The following ZFAT variants were observed in gnomAD, a reference collection of about 807,000 sequenced individuals.
ZFAT encodes zinc finger and AT-hook domain containing, also known as zinc finger protein ZFAT.
In ZFAT, 64 loss-of-function variants were observed where a neutral mutation model predicts 117.7. That is an observed-to-expected ratio of 0.54 (90% confidence interval 0.44 to 0.67). ZFAT has a LOEUF of 0.67. ZFAT is among the 30% of genes least tolerant of loss of function. ZFAT has a pLI of 0.00. For synonymous variants in ZFAT, 679 were observed against 615.0 expected (o/e 1.10, Z -1.54); for missense variants, 1,433 against 1,584.5 (o/e 0.90, Z 1.62).
At chr8:134,540,409 T>A (rs1822165770) in intron 11 of ZFAT, among the ~76,000 whole-genome samples, 1 of 152,238 alleles carries the variant, frequency 6.6e-6, no homozygotes. Flanking sequence ...TCTAATGTGG[T>A]CATCTGAGGC....
At chr8:134,484,191 C>T (rs1392395218) in intron 15 of ZFAT, among the ~76,000 whole-genome samples, 1 of 152,218 alleles carries the variant, frequency 6.6e-6, no homozygotes, top group African/African-American at 2.4e-5. Flanking sequence ...TATTACAATC[C>T]ACCTCTGCAC....
At chr8:134,663,226 G>A (rs1015843878) in intron 1 of ZFAT, among the ~76,000 whole-genome samples, 9 of 152,180 alleles carry the variant, frequency 5.9e-5, no homozygotes, top group African/African-American at 2.2e-4. Flanking sequence ...GACAAATCCT[G>A]ACACTTACAA....
At chr8:134,543,981 T>C (rs1250921482) in intron 11 of ZFAT, among the ~76,000 whole-genome samples, 1 of 152,174 alleles carries the variant, frequency 6.6e-6, no homozygotes, top group African/African-American at 2.4e-5. Flanking sequence ...CCTCAAGTTA[T>C]TAAAAATGTC....
chr8:134,589,510 C>T (rs1268875982), intron 8 of ZFAT, among the ~76,000 whole-genome samples: 2 of 152,362 alleles, frequency 1.3e-5, no homozygotes, highest in East Asian at 3.9e-4. Flanking sequence ...ATAAAACACA[C>T]AATACACTTG....
chr8:134,714,179 G>T (rs183770901), upstream of ZFAT, among the ~76,000 whole-genome samples: 65 of 139,536 alleles, frequency 4.7e-4, no homozygotes, highest in Non-Finnish European at 8.5e-4. Context: ...ACTGATTTGT[G>T]TTCATGGTTC....
At chr8:134,643,837 C>T (rs1315922141) in intron 2 of ZFAT, among the ~76,000 whole-genome samples, 2 of 152,204 alleles carry the variant, frequency 1.3e-5, no homozygotes, top group Non-Finnish European at 2.9e-5. Context: ...GCCAAGGCTC[C>T]AGCAATCACA....
At chr8:134,599,608 C>G (rs1827250608) in intron 7 of ZFAT, 1 of 374,004 alleles carries the variant, frequency 2.7e-6, no homozygotes, top group Non-Finnish European at 5.2e-6. Flanking sequence ...CCTGACTTTA[C>G]CCTTAGTGAC....
At chr8:134,513,812 A>C (rs1820041384) in intron 13 of ZFAT, among the ~76,000 whole-genome samples, 1 of 152,250 alleles carries the variant, frequency 6.6e-6, no homozygotes, top group Admixed American at 6.5e-5. Context: ...GGTTCAGAAT[A>C]GCATATAATA....
chr8:134,645,117 C>T (rs1178474265), intron 2 of ZFAT, among the ~76,000 whole-genome samples: 1 of 152,178 alleles, frequency 6.6e-6, no homozygotes, highest in Non-Finnish European at 1.5e-5. Context: ...TTCTGCAGAC[C>T]ACTTCCTACA....
At position 134,601,761 on chromosome 8, in the gene ZFAT, G is replaced by A. The variant is rs772003025; in HGVS notation, c.1958C>T (p.Pro653Leu). 1 of 1,613,834 alleles carries A rather than the reference G, an allele frequency of 6.2e-7. No homozygotes were observed. Among genetic ancestry groups the A allele is most frequent in the Non-Finnish European group, 8.5e-7 (1 of 1,179,920 alleles). The change falls in exon 6 of 16, where the codon CCC becomes CTC. Residue 653 changes from proline to leucine, a missense_variant. Transcript: ENST00000377838. ...SDQESHGAQS[P>L]LGEGQNMAVL... is the part of the protein sequence containing the mutation. Reference sequence around the variant, plus strand: ...AGCCATGTTCTGCCCTTCCCCTAGGGGGCTCTGGGCGCCATGGCTTTCCTG... The same window carrying A: ...AGCCATGTTCTGCCCTTCCCCTAGGAGGCTCTGGGCGCCATGGCTTTCCTG...
the ZFAT span, among the ~76,000 whole-genome samples, chr8:134,829,042 T>C: frequency 6.6e-6 from 1 of 152,146 alleles, no homozygotes; most frequent in Admixed American, 6.5e-5. Flanking sequence ...CTAGTGAGAG[T>C]GTCTGACAAC....
chr8:134,531,088 C>T (rs1338241230), intron 12 of ZFAT, among the ~76,000 whole-genome samples: 1 of 152,146 alleles, frequency 6.6e-6, no homozygotes, highest in African/African-American at 2.4e-5. Context: ...AATATAAAAC[C>T]CCGCTCCTGT....
chr8:134,591,453 C>A (rs746091868), intron 7 of ZFAT, among the ~76,000 whole-genome samples: 1 of 152,204 alleles, frequency 6.6e-6, no homozygotes, highest in African/African-American at 2.4e-5. Flanking sequence ...CTTTTGCTCA[C>A]CTCCCTTTGC....
intron 11 of ZFAT, among the ~76,000 whole-genome samples, chr8:134,557,429 A>G (rs1285899172): frequency 6.6e-6 from 1 of 152,236 alleles, no homozygotes; most frequent in Non-Finnish European, 1.5e-5. Flanking sequence ...GGTACAAACT[A>G]AGAAAATCTG....
intron 1 of ZFAT, among the ~76,000 whole-genome samples, chr8:134,684,214 AC>A (rs1158392368): frequency 6.6e-6 from 1 of 152,024 alleles, no homozygotes; most frequent in Non-Finnish European, 1.5e-5. Flanking sequence ...AACACCCCAT[AC>A]CAGTGCCTGG....
At chr8:134,516,852 C>T (rs1253705595) in intron 13 of ZFAT, among the ~76,000 whole-genome samples, 2 of 151,782 alleles carry the variant, frequency 1.3e-5, no homozygotes, top group Non-Finnish European at 2.9e-5. Context: ...CAGACCCTAT[C>T]TCTCAAAAAA....
At position 134,501,535 on chromosome 8, in the gene ZFAT, G is replaced by A. The variant is rs192272938; in HGVS notation, c.3492+8084C>T. Among the ~76,000 whole-genome samples the A allele has an allele frequency of 8.2e-4, 125 of 152,286 alleles. 1 individual carries two copies. Among genetic ancestry groups the A allele is most frequent in the African/African-American group, 2.4e-3 (100 of 41,552 alleles). On this transcript the variant is annotated intron_variant, in intron 15 of 15. Coordinates refer to ENST00000377838, the MANE Select transcript of ZFAT (RefSeq NM_020863.4). ...GCCACAATAATGACAGAAAAAAACCGTTACGGGAAAGTGGAGTAAATGATA... is the reference window on the plus strand; with the variant it reads ...GCCACAATAATGACAGAAAAAAACCATTACGGGAAAGTGGAGTAAATGATA...
the ZFAT span, among the ~76,000 whole-genome samples, chr8:134,748,999 T>C: frequency 6.6e-6 from 1 of 152,156 alleles, no homozygotes; most frequent in Non-Finnish European, 1.5e-5. Context: ...GAAAAAAAAG[T>C]GCAGCCTACT....
In ZFAT at chr8:134,565,404, T is replaced by C; in HGVS notation, c.2905A>G (p.Thr969Ala). 1.2e-6 allele frequency: 2 copies of C among 1,613,648 alleles called. No individual in the cohort carries two copies. The highest frequency in any genetic ancestry group is 1.7e-6 in the Non-Finnish European group (2 of 1,179,778). ...TGGGCCGCTGTGTAGTCACACACCG[T>C]GCACTTAAACTGCTTCCCTGGAAAG... ...HTADGKQFKC[T>A]VCDYTAAQKP... Residue 969 changes from threonine (T) to alanine (A), a missense_variant, in exon 11 of 16, where the codon ACG becomes GCG. By Grantham distance (58) the Thr-to-Ala change is moderately conservative. Coordinates refer to ENST00000377838, the MANE Select transcript of ZFAT (RefSeq NM_020863.4).
Sources: allele counts gnomAD v4.1 joint callset (sites outside exome capture counted in the v4.1 genomes callset), GRCh38; gene constraint gnomAD v4.1.1; transcripts MANE v1.5; gene names NCBI Gene and HGNC (gene_info 2026-07-23, HGNC 2026-07-21).